Variants in DAB1 observed in about 807,000 individuals in gnomAD.
The protein encoded by DAB1 is disabled homolog 1.
In DAB1, 15 loss-of-function variants were observed where a neutral mutation model predicts 64.6. The ratio of observed to expected loss-of-function variants is 0.23; its 90% confidence interval spans 0.16 to 0.36. The LOEUF (loss-of-function observed/expected upper bound fraction) is 0.36, where lower values mean the gene tolerates loss of function less well. DAB1 is among the 10% of genes least tolerant of loss of function. The pLI is 1.00. For missense variants in DAB1, 596 were observed against 706.7 expected, an observed-to-expected ratio of 0.84 and a Z score of 1.78; for synonymous variants, 235 against 251.9, an observed-to-expected ratio of 0.93 and a Z score of 0.64.
intron 5 of DAB1, among the ~76,000 whole-genome samples, chr1:58,080,455 A>G (rs1649927595): frequency 6.6e-6 from 1 of 152,246 alleles, no homozygotes. Flanking sequence ...CAAGGGACAG[A>G]AAATAAAGAT....
intron 4 of DAB1, among the ~76,000 whole-genome samples, chr1:58,252,817 G>C (rs1351776252): frequency 6.6e-6 from 1 of 152,120 alleles, no homozygotes; most frequent in Non-Finnish European, 1.5e-5. Context: ...TAATGGTGTT[G>C]CCTAATTCCC....
chr1:58,127,867 G>C (rs1233321985), intron 5 of DAB1, among the ~76,000 whole-genome samples: 1 of 152,104 alleles, frequency 6.6e-6, no homozygotes, highest in Non-Finnish European at 1.5e-5. Flanking sequence ...CTGTAGCCTT[G>C]TAGTATAGTT....
At chr1:58,134,179 T>C (rs1480001132) in intron 5 of DAB1, among the ~76,000 whole-genome samples, 5 of 152,210 alleles carry the variant, frequency 3.3e-5, no homozygotes, top group African/African-American at 1.2e-4. Context: ...TTCTGAACGT[T>C]GGGAAGTCTA....
chr1:57,269,335 C>T (rs745341918), intron 2 of DAB1, among the ~76,000 whole-genome samples: 1 of 152,074 alleles, frequency 6.6e-6, no homozygotes, highest in Non-Finnish European at 1.5e-5. Flanking sequence ...AACTTCTCAG[C>T]CCTTGTTCTT....
At chr1:58,228,572 C>T (rs1170710016) in intron 4 of DAB1, 1 of 440,548 alleles carries the variant, frequency 2.3e-6, no homozygotes, top group Non-Finnish European at 4.2e-6. Flanking sequence ...GGAGGGGGGA[C>T]TCTAGGAAGC....
intron 3 of DAB1, among the ~76,000 whole-genome samples, chr1:58,427,043 G>T (rs954326616): frequency 1.3e-5 from 2 of 152,166 alleles, no homozygotes; most frequent in African/African-American, 4.8e-5. Flanking sequence ...AATTGAGCAC[G>T]TGCCAGGAGC....
intron 4 of DAB1, among the ~76,000 whole-genome samples, chr1:57,082,133 G>T (rs1389751990): frequency 6.6e-6 from 1 of 152,148 alleles, no homozygotes; most frequent in Non-Finnish European, 1.5e-5. Flanking sequence ...GAGAATCAGA[G>T]AAGGCAAATA....
intron 3 of DAB1, among the ~76,000 whole-genome samples, chr1:58,478,736 T>C (rs1297743718): frequency 2.0e-5 from 3 of 152,206 alleles, no homozygotes; most frequent in Non-Finnish European, 4.4e-5. Context: ...TTTTAGAGGA[T>C]AGTCTCACCC....
chr1:58,103,553 G>T (rs1651454777), intron 5 of DAB1, among the ~76,000 whole-genome samples: 1 of 152,096 alleles, frequency 6.6e-6, no homozygotes, highest in South Asian at 2.1e-4. Context: ...GATTTTCTTT[G>T]CCTCAGGCTC....
At chr1:57,535,383 C>T (rs757228420) in intron 7 of DAB1, among the ~76,000 whole-genome samples, 18 of 151,982 alleles carry the variant, frequency 1.2e-4, no homozygotes, top group African/African-American at 2.2e-4. Flanking sequence ...TTTAGTACCC[C>T]GCAGCTACCT....
chr1:57,514,500 T>A (rs1244637604), intron 7 of DAB1, among the ~76,000 whole-genome samples: 1 of 152,232 alleles, frequency 6.6e-6, no homozygotes, highest in Non-Finnish European at 1.5e-5. Flanking sequence ...GTAAGCTTCA[T>A]GAAATCAGTG....
chr1:57,951,547 ATTCAGAATATGGCACT>A (rs754363134), intron 5 of DAB1, among the ~76,000 whole-genome samples: 4 of 151,982 alleles, frequency 2.6e-5, no homozygotes, highest in Non-Finnish European at 5.9e-5. Context: ...TCATGTTTAA[ATTCAGAATATGGCACT>A]TCCTAGCAGC....
chr1:57,892,725 C>A (rs1186212142), intron 5 of DAB1, among the ~76,000 whole-genome samples: 1 of 152,178 alleles, frequency 6.6e-6, no homozygotes, highest in East Asian at 1.9e-4. Flanking sequence ...TGTTTACTTG[C>A]TAGTCTCTCA....
intron 7 of DAB1, among the ~76,000 whole-genome samples, chr1:57,609,566 C>T (rs1163469658): frequency 6.6e-6 from 1 of 152,130 alleles, no homozygotes; most frequent in Non-Finnish European, 1.5e-5. Flanking sequence ...AGTTGGTATG[C>T]CTTCATGCAT....
chr1:57,189,419 C>T (rs943607803), intron 2 of DAB1, among the ~76,000 whole-genome samples: 6 of 152,118 alleles, frequency 3.9e-5, no homozygotes, highest in Non-Finnish European at 8.8e-5. Context: ...AAGGCCAAGT[C>T]GTGTTAGCCC....
intron 5 of DAB1, among the ~76,000 whole-genome samples, chr1:57,927,191 C>T (rs1278441035): frequency 6.6e-6 from 1 of 152,196 alleles, no homozygotes; most frequent in African/African-American, 2.4e-5. Context: ...ACACAAAGAC[C>T]TTGCTAATTC....
In DAB1 at chr1:57,014,864, T is replaced by A. The variant is rs1054912573; in HGVS notation, c.1444+19A>T. On this transcript the variant is annotated intron_variant, in intron 12 of 14. Coordinates refer to ENST00000371236, the MANE Select transcript of DAB1 (RefSeq NM_001365792.1). ...TACGGCTCTCATTGGGTTTTATGTC[T>A]TAAGTGAGGGGCACTCACGTGAGTT... 4 of 1,530,116 alleles carry A rather than the reference T, an allele frequency of 2.6e-6. No individual in the cohort carries two copies. Among genetic ancestry groups the A allele is most frequent in the Admixed American group, 4.1e-5 (2 of 48,624 alleles). The allele number at this position is 1,530,116 out of a possible 1,614,324, so 94.8% of individuals were successfully genotyped here. A position where few individuals can be genotyped will look rare whatever the true frequency, so the allele number is the denominator to read the frequency against.
In DAB1 at chr1:58,192,684, G is replaced by A. The variant is rs182432816; in HGVS notation, n.310-42096C>T. 5.9e-5 allele frequency among the ~76,000 whole-genome samples: 9 copies of A among 152,036 alleles called. No homozygotes were observed. In the South Asian group the frequency reaches 6.2e-4, roughly 11 times the overall value. On this transcript the variant is annotated intron_variant and non_coding_transcript_variant, in intron 4 of 20. Transcript: ENST00000485760. Reference sequence around the variant, plus strand: ...ATGTGTGTGTGTGTATGTATGTCTCGCATTTTCTTTATACAATACTTCATT... The same window carrying A: ...ATGTGTGTGTGTGTATGTATGTCTCACATTTTCTTTATACAATACTTCATT...
chr1:57,739,035 G>A (rs1347395357), intron 6 of DAB1, among the ~76,000 whole-genome samples: 5 of 152,276 alleles, frequency 3.3e-5, no homozygotes, highest in Middle Eastern at 3.4e-3. Flanking sequence ...GTTTTATAGC[G>A]CTGTCTCCTG....
Sources: allele counts gnomAD v4.1 joint callset (sites outside exome capture counted in the v4.1 genomes callset), GRCh38; gene constraint gnomAD v4.1.1; transcripts MANE v1.5; gene names NCBI Gene and HGNC (gene_info 2026-07-23, HGNC 2026-07-21).